The following STXBP2 variants were observed in gnomAD, a reference collection of about 807,000 sequenced individuals.
The protein encoded by STXBP2 is syntaxin binding protein 2, also known as syntaxin-binding protein 2.
In STXBP2, 47 loss-of-function variants were observed where a neutral mutation model predicts 72.2. That is an observed-to-expected ratio of 0.65 (90% CI 0.51 to 0.83). The LOEUF (loss-of-function observed/expected upper bound fraction) is 0.83, where lower values mean the gene tolerates loss of function less well. Among genes scored for constraint, STXBP2 ranks in the 40% least tolerant of loss-of-function variants. The pLI is 0.00. For missense variants in STXBP2, 702 were observed against 807.6 expected (o/e 0.87, Z 1.58); for synonymous variants, 367 against 338.7 (o/e 1.08, Z -0.92).
chr19:7,633,047 A>AGTGCCACTTCACGTG (rs2031397337), upstream of STXBP2: 2 of 1,407,222 alleles, frequency 1.4e-6, no homozygotes, highest in East Asian at 5.0e-5. Flanking sequence ...CCTGGCCAGC[A>AGTGCCACTTCACGTG]GTGCCACTTC....
upstream of STXBP2, chr19:7,632,923 G>C: frequency 4.0e-6 from 6 of 1,499,056 alleles, no homozygotes; most frequent in Non-Finnish European, 5.3e-6. This position sits in a 1 kb window ranked among gnomAD's most constrained non-coding sequence, Gnocchi z 5.2. Flanking sequence ...TGACCCCGGG[G>C]CCTGCCGTCC....
chr19:7,636,949 C>T (rs1330285884), upstream of STXBP2: 5 of 447,920 alleles, frequency 1.1e-5, 1 homozygote, highest in Middle Eastern at 6.0e-4. Context: ...ACTTCGTGCT[C>T]GGCAGCGCGG....
intron 13 of STXBP2, among the ~76,000 whole-genome samples, chr19:7,643,970 GGCAC>G (rs1568469213): frequency 2.0e-5 from 3 of 150,070 alleles, no homozygotes; most frequent in Non-Finnish European, 4.4e-5. Context: ...ATCTGGGTGA[GGCAC>G]GGGGCCTTGG....
chr19:7,641,488 G>T (rs909066912), intron 6 of STXBP2, among the ~76,000 whole-genome samples: 17 of 152,304 alleles, frequency 1.1e-4, no homozygotes, highest in Non-Finnish European at 1.3e-4. Context: ...CGCACCGCGG[G>T]GTTGTCCAGC....
upstream of STXBP2, among the ~76,000 whole-genome samples, chr19:7,634,518 A>T (rs1295513069): frequency 7.9e-5 from 12 of 152,162 alleles, no homozygotes; most frequent in Non-Finnish European, 1.8e-4. Flanking sequence ...ATGGCTTAAA[A>T]CACATAAGTT....
At chr19:7,638,916 G>GC in intron 2 of STXBP2, 103 bp from the exon 3 acceptor site, 1 of 1,568,630 alleles carries the variant, frequency 6.4e-7, no homozygotes, top group Non-Finnish European at 8.8e-7. Flanking sequence ...CTCCCACCCA[G>GC]CCAGCCCTTG....
chr19:7,640,432 GTGTGTGTGCATGTGTGTATGTA>G (rs2031804576), intron 4 of STXBP2: 3 of 633,642 alleles, frequency 4.7e-6, no homozygotes, highest in Non-Finnish European at 8.6e-6. Flanking sequence ...GCGCGCATCT[GTGTGTGTGCATGTGTGTATGTA>G]TGTGTGTGCA....
At chr19:7,635,881 G>C (rs193050906), upstream of STXBP2, among the ~76,000 whole-genome samples, 81 of 152,304 alleles carry the variant, frequency 5.3e-4, no homozygotes, top group East Asian at 8.9e-3. Flanking sequence ...GGGTCAGTCT[G>C]ACCTTGTCCT....
rs1310801774 is a variant in STXBP2, at chr19:7,647,502, G to A, written c.1687G>A (p.Val563Met). 11 of 1,597,348 alleles carry A rather than the reference G, an allele frequency of 6.9e-6. No homozygotes were observed. Among genetic ancestry groups the A allele is most frequent in the Non-Finnish European group, 9.4e-6 (11 of 1,171,386 alleles). ...CAGGGCCACCGAGGGCAAGTGGGAG[G>A]TGCTCATTGGTAAGTCACCAGGACT... ...VTRATEGKWE[V>M]LIGSSHILTP... The change falls in exon 18 of 19, where the codon GTG becomes ATG. Residue 563 changes from valine (V) to methionine (M), a missense_variant. By Grantham distance (21) the Val-to-Met change is conservative. Coordinates refer to ENST00000221283, the MANE Select transcript of STXBP2 (RefSeq NM_006949.4).
Position 7,639,922 on chromosome 19 carries a change from C to T in STXBP2, c.246+115C>T, listed in dbSNP as rs773965805. ...TGCATGTGTATACGTGTGCATGTGT[C>T]CATGTGTATGTGTGTGCATGTGTGT... On this transcript the variant is annotated intron_variant, in intron 4 of 18. Transcript: ENST00000221283. 4.3e-6 allele frequency: 5 copies of T among 1,150,056 alleles called. No homozygotes were observed. In the African/African-American group the frequency reaches 4.8e-5, roughly 11 times the overall value. The allele number at this position is 1,150,056 out of a possible 1,614,324, so 71.2% of individuals were successfully genotyped here.
At chr19:7,638,818 C>T (rs369648376) in intron 2 of STXBP2, 43 bp downstream of exon 2, 5 of 1,612,470 alleles carry the variant, frequency 3.1e-6, no homozygotes, top group Non-Finnish European at 4.2e-6. Flanking sequence ...GGCAGCTCAT[C>T]ATCAGGCCTA....
intron 3 of STXBP2, chr19:7,639,309 G>C: frequency 1.5e-6 from 1 of 658,356 alleles, no homozygotes; most frequent in Non-Finnish European, 2.7e-6. Context: ...TGGATTGCAG[G>C]CCTCCCCTGC....
intron 7 of STXBP2, 79 bp downstream of exon 7, chr19:7,641,932 T>G: frequency 6.4e-7 from 1 of 1,566,944 alleles, no homozygotes; most frequent in Non-Finnish European, 8.7e-7. Context: ...ACCTCTCTTG[T>G]GACCCCAGCC....
intron 1 of STXBP2, 72 bp from the exon 2 acceptor site, chr19:7,638,654 G>C: frequency 6.4e-7 from 1 of 1,556,282 alleles, no homozygotes; most frequent in Non-Finnish European, 8.9e-7. Flanking sequence ...TCAGCCCCAA[G>C]GCTGAGAAGG....
chr19:7,637,671 G>A (rs766069272), intron 1 of STXBP2, among the ~76,000 whole-genome samples: 1 of 152,122 alleles, frequency 6.6e-6, no homozygotes, highest in Admixed American at 6.5e-5. Flanking sequence ...TTCCAGGAGC[G>A]CCTTGCAGCT....
At chr19:7,639,519 G>T (rs1313422301) in intron 3 of STXBP2, 1 of 620,768 alleles carries the variant, frequency 1.6e-6, no homozygotes. Flanking sequence ...CAGTCTCCCT[G>T]TCTGTAAATT....
At chr19:7,634,577 C>T (rs1260096473), upstream of STXBP2, among the ~76,000 whole-genome samples, 3 of 152,182 alleles carry the variant, frequency 2.0e-5, no homozygotes, top group African/African-American at 7.2e-5. Context: ...ACTATTTTGC[C>T]CAGGCTAGTC....
chr19:7,645,104 G>C, intron 14 of STXBP2, 93 bp from the exon 15 acceptor site: 1 of 1,482,238 alleles, frequency 6.7e-7, no homozygotes, highest in South Asian at 1.2e-5. Context: ...TCTCTCATCA[G>C]AGTCCTGGGA....
chr19:7,635,232 C>T (rs766903533), upstream of STXBP2, among the ~76,000 whole-genome samples: 2 of 152,116 alleles, frequency 1.3e-5, no homozygotes, highest in Non-Finnish European at 2.9e-5. Flanking sequence ...TTCCCCTGCT[C>T]AAAACTCTTG....
Sources: allele counts gnomAD v4.1 joint callset (sites outside exome capture counted in the v4.1 genomes callset), GRCh38; gene constraint gnomAD v4.1.1; non-coding constraint Gnocchi (gnomAD v3.1); transcripts MANE v1.5; gene names NCBI Gene and HGNC (gene_info 2026-07-23, HGNC 2026-07-21).